CUL3: variants seen among roughly 807,000 people sequenced by gnomAD.
CUL3 encodes the protein cullin-3.
Under a neutral mutation model 89.1 loss-of-function variants are expected in CUL3, and 19 were observed. The observed-to-expected ratio is 0.21, with a 90% confidence interval of 0.15 to 0.31. CUL3 has a LOEUF of 0.31. Ranked by LOEUF, CUL3 falls within the 10% of genes least tolerant of loss-of-function variation. The pLI is 1.00. For synonymous variants in CUL3, 351 were observed against 308.4 expected (o/e 1.14, Z -1.45); for missense variants, 469 against 942.3 (o/e 0.50, Z 6.58).
chr2:224,505,497 G>A (rs971529026), intron 8 of CUL3, among the ~76,000 whole-genome samples: 7 of 152,104 alleles, frequency 4.6e-5, no homozygotes, highest in East Asian at 1.9e-4. Context: ...GTGCAGTCAC[G>A]CGATCACAGC....
At chr2:224,572,862 C>G (rs1695214768) in intron 1 of CUL3, among the ~76,000 whole-genome samples, 2 of 152,316 alleles carry the variant, frequency 1.3e-5, no homozygotes, top group Admixed American at 6.5e-5. Context: ...CCTCTCCAGA[C>G]AGCAGAACCT....
At chr2:224,549,878 GCACACA>G (rs925475521) in intron 2 of CUL3, among the ~76,000 whole-genome samples, 7 of 150,752 alleles carry the variant, frequency 4.6e-5, no homozygotes, top group South Asian at 4.2e-4. Context: ...ACACACACAC[GCACACA>G]CACACACGCA....
At chr2:224,552,326 G>A (rs1228429395) in intron 2 of CUL3, among the ~76,000 whole-genome samples, 1 of 152,054 alleles carries the variant, frequency 6.6e-6, no homozygotes, top group Non-Finnish European at 1.5e-5. Context: ...AGGTACAAAG[G>A]CCACATTACA....
At chr2:224,563,987 G>A (rs1255875327) in intron 1 of CUL3, among the ~76,000 whole-genome samples, 1 of 152,124 alleles carries the variant, frequency 6.6e-6, no homozygotes, top group Non-Finnish European at 1.5e-5. Flanking sequence ...TAAGATCTAT[G>A]TTAAGAATAA....
intron 3 of CUL3, among the ~76,000 whole-genome samples, chr2:224,526,677 A>G (rs1329968398): frequency 6.6e-6 from 1 of 151,914 alleles, no homozygotes; most frequent in Non-Finnish European, 1.5e-5. Context: ...AGGCAGTGTA[A>G]ACACTGAATA....
At chr2:224,537,504 C>T (rs887687087) in intron 2 of CUL3, among the ~76,000 whole-genome samples, 1 of 152,108 alleles carries the variant, frequency 6.6e-6, no homozygotes, top group African/African-American at 2.4e-5. Context: ...AATACTTATA[C>T]AAAATGAATA....
chr2:224,532,614 A>G (rs1480733964), intron 3 of CUL3, among the ~76,000 whole-genome samples: 1 of 152,072 alleles, frequency 6.6e-6, no homozygotes, highest in Non-Finnish European at 1.5e-5. Flanking sequence ...AAGATGAGAA[A>G]AGGAAGATGG....
chr2:224,584,803 A>C, intron 1 of CUL3, 141 bp downstream of exon 1: 3 of 362,048 alleles, frequency 8.3e-6, no homozygotes, highest in Non-Finnish European at 1.2e-5. Flanking sequence ...GTTGCCGGGA[A>C]GGCTCGCGCC....
chr2:224,584,147 T>C (rs1695509625), intron 1 of CUL3, among the ~76,000 whole-genome samples: 1 of 151,894 alleles, frequency 6.6e-6, no homozygotes, highest in South Asian at 2.1e-4. Flanking sequence ...AAAGAAAAAG[T>C]TTCTGAGCAG....
chr2:224,493,258 A>G (rs1000294544), intron 13 of CUL3, among the ~76,000 whole-genome samples: 1 of 152,264 alleles, frequency 6.6e-6, no homozygotes, highest in African/African-American at 2.4e-5. Flanking sequence ...ATATTCAAAA[A>G]TAAAAGTTCA....
At chr2:224,554,831 T>C (rs900162115) in intron 2 of CUL3, among the ~76,000 whole-genome samples, 2 of 152,306 alleles carry the variant, frequency 1.3e-5, no homozygotes, top group African/African-American at 4.8e-5. Context: ...ACTCTCTATA[T>C]CCAATAACTC....
At chr2:224,546,553 A>G (rs1694308772) in intron 2 of CUL3, among the ~76,000 whole-genome samples, 1 of 152,130 alleles carries the variant, frequency 6.6e-6, no homozygotes, top group South Asian at 2.1e-4. Flanking sequence ...TTCAACAGAC[A>G]ACTGAGTGCC....
intron 12 of CUL3, among the ~76,000 whole-genome samples, chr2:224,496,981 A>T (rs747490244): frequency 3.9e-5 from 6 of 152,172 alleles, no homozygotes; most frequent in Non-Finnish European, 5.9e-5. Context: ...ATTTAACGAA[A>T]TTATAAAGCA....
intron 1 of CUL3, among the ~76,000 whole-genome samples, chr2:224,560,270 T>G (rs555021351): frequency 6.6e-6 from 1 of 151,192 alleles, no homozygotes; most frequent in African/African-American, 2.4e-5. Flanking sequence ...TTGTTTTTTG[T>G]TTTTTTTTAG....
intron 13 of CUL3, among the ~76,000 whole-genome samples, chr2:224,488,069 A>T (rs1201407954): frequency 6.6e-6 from 1 of 152,234 alleles, no homozygotes; most frequent in Non-Finnish European, 1.5e-5. Context: ...GACACGACGT[A>T]CCAGAATCTC....
chr2:224,532,225 G>A (rs953611546), intron 3 of CUL3, among the ~76,000 whole-genome samples: 1 of 152,138 alleles, frequency 6.6e-6, no homozygotes, highest in African/African-American at 2.4e-5. Context: ...AGAGGCACAT[G>A]AAGCTACATA....
rs759635188 is a variant in CUL3 at position 224,535,627 on chromosome 2, T to G, written c.279A>C (p.Val93=). ...GAAAGTTGTTATTCAATGAATTTAG[T>G]ACATCTTCTCGCACCTAGTAACAGA... ...EHLINKVRED[V]LNSLNNNFLQ... is the part of the protein sequence containing the mutation. The change falls in exon 3 of 16, where the codon GTA becomes GTC. Residue 93 remains valine, a synonymous_variant. Coordinates refer to ENST00000264414, the MANE Select transcript of CUL3 (RefSeq NM_003590.5). The G allele has an allele frequency of 6.2e-7, 1 of 1,612,746 alleles. No homozygotes were observed. The highest frequency in any genetic ancestry group is 8.5e-7 in the Non-Finnish European group (1 of 1,178,862).
At chr2:224,546,674 G>GC (rs908248292) in intron 2 of CUL3, among the ~76,000 whole-genome samples, 3 of 124,244 alleles carry the variant, frequency 2.4e-5, no homozygotes, top group African/African-American at 5.3e-5. Flanking sequence ...GGATGGGGGG[G>GC]GGTACTTGCC....
At chr2:224,507,219 G>T (rs193058680) in intron 6 of CUL3, among the ~76,000 whole-genome samples, 1 of 152,248 alleles carries the variant, frequency 6.6e-6, no homozygotes, top group East Asian at 1.9e-4. Context: ...ACTTTTAGAT[G>T]AGATGCTTTG....
Sources: allele counts gnomAD v4.1 joint callset (sites outside exome capture counted in the v4.1 genomes callset), GRCh38; gene constraint gnomAD v4.1.1; transcripts MANE v1.5; gene names NCBI Gene and HGNC (gene_info 2026-07-23, HGNC 2026-07-21).